The following C2orf76 variants were observed in gnomAD, a reference collection of about 807,000 sequenced individuals.
The protein encoded by C2orf76 is chromosome 2 open reading frame 76.
Under a neutral mutation model 16.9 loss-of-function variants are expected in C2orf76, and 23 were observed. That is an observed-to-expected ratio of 1.36 (90% CI 0.98 to 1.93). The LOEUF (loss-of-function observed/expected upper bound fraction) is 1.93, where lower values mean the gene tolerates loss of function less well. Among genes scored for constraint, C2orf76 ranks in the 30% most tolerant of loss-of-function variants. The probability of loss-of-function intolerance (pLI) is 0.00; values close to 1 mark genes in which losing one functional copy is unlikely to be tolerated. For missense variants in C2orf76, 152 were observed against 152.6 expected (o/e 1.00, Z 0.02); for synonymous variants, 48 against 52.3 (o/e 0.92, Z 0.35).
chr2:119,291,425 T>A, the C2orf76 span, among the ~76,000 whole-genome samples: 1 of 151,682 alleles, frequency 6.6e-6, no homozygotes, highest in Non-Finnish European at 1.5e-5. Flanking sequence ...GAAAGGAAAT[T>A]TAAAGTGCCG....
intron 1 of C2orf76, among the ~76,000 whole-genome samples, chr2:119,363,677 T>G (rs1050710556): frequency 6.6e-6 from 1 of 152,270 alleles, no homozygotes; most frequent in East Asian, 1.9e-4. Context: ...CTAAGAAACT[T>G]AATATGAAAC....
intron 1 of C2orf76, among the ~76,000 whole-genome samples, chr2:119,353,271 G>A (rs1680461680): frequency 6.6e-6 from 1 of 152,040 alleles, no homozygotes; most frequent in South Asian, 2.1e-4. Flanking sequence ...GTAGATGAAT[G>A]ATAAATGCTC....
chr2:119,305,378 T>C (rs1678744307), intron 5 of C2orf76, among the ~76,000 whole-genome samples: 1 of 152,210 alleles, frequency 6.6e-6, no homozygotes, highest in Admixed American at 6.5e-5. Flanking sequence ...CGATTTTAAG[T>C]ATAAAATCCC....
intron 1 of C2orf76, among the ~76,000 whole-genome samples, chr2:119,346,387 A>C (rs1680202527): frequency 6.6e-6 from 1 of 152,242 alleles, no homozygotes; most frequent in Admixed American, 6.5e-5. Context: ...GAAATAATCC[A>C]AATGCCCTTT....
At chr2:119,285,234 T>C in the C2orf76 span, among the ~76,000 whole-genome samples, 1 of 152,370 alleles carries the variant, frequency 6.6e-6, no homozygotes, top group African/African-American at 2.4e-5. Context: ...ACTCAATAAC[T>C]ATCACCTGAC....
At chr2:119,367,115 G>C (rs1025945934), upstream of C2orf76, 26 of 1,609,608 alleles carry the variant, frequency 1.6e-5, no homozygotes, top group Non-Finnish European at 2.2e-5. Flanking sequence ...AGGCCCGTTG[G>C]GGGCTCAGCC....
chr2:119,326,432 A>G (rs1446235047), intron 2 of C2orf76, among the ~76,000 whole-genome samples: 1 of 152,238 alleles, frequency 6.6e-6, no homozygotes, highest in Non-Finnish European at 1.5e-5. Flanking sequence ...TCTACACACC[A>G]GTATCACATA....
chr2:119,304,999 G>C (rs1052808141), intron 5 of C2orf76, among the ~76,000 whole-genome samples: 2 of 152,174 alleles, frequency 1.3e-5, no homozygotes, highest in Non-Finnish European at 2.9e-5. Flanking sequence ...AGTCTACCTT[G>C]TGCTGGTCCC....
chr2:119,313,510 A>G (rs1191565594), intron 4 of C2orf76, among the ~76,000 whole-genome samples: 1 of 151,980 alleles, frequency 6.6e-6, no homozygotes, highest in Non-Finnish European at 1.5e-5. Flanking sequence ...GCAGGAGGAT[A>G]TCTTGATCCT....
rs564665569 is a variant in C2orf76 at position 119,333,760 on chromosome 2, T to C, written c.133+6067A>G. Among the ~76,000 whole-genome samples the C allele has an allele frequency of 5.9e-5, 9 of 152,316 alleles. No individual in the cohort carries two copies. The South Asian group carries it at 1.2e-3, about 21-fold the overall frequency. On this transcript the variant is annotated intron_variant, in intron 2 of 5. Coordinates refer to ENST00000334816, the MANE Select transcript of C2orf76 (RefSeq NM_001322331.2). ...AAACTGCTTAACCCGAACCTAATCA[T>C]GAGAAAACAATCTAGACAAATGTAA...
chr2:119,360,246 C>T (rs1017472266), intron 1 of C2orf76, among the ~76,000 whole-genome samples: 29 of 152,152 alleles, frequency 1.9e-4, no homozygotes, highest in African/African-American at 7.0e-4. Flanking sequence ...TTTGGGAGGC[C>T]GAGGCAGGTG....
At chr2:119,358,321 A>T (rs1680635398) in intron 1 of C2orf76, among the ~76,000 whole-genome samples, 1 of 145,052 alleles carries the variant, frequency 6.9e-6, no homozygotes, top group Non-Finnish European at 1.6e-5. Context: ...TCACGCCTGT[A>T]ATCCCATCAT....
At chr2:119,311,565 G>A (rs1678988612) in intron 5 of C2orf76, 57 bp downstream of exon 5, 6 of 1,578,994 alleles carry the variant, frequency 3.8e-6, no homozygotes, top group East Asian at 2.2e-5. Context: ...CATCAGCCAG[G>A]CCTCAGGATA....
intron 1 of C2orf76, among the ~76,000 whole-genome samples, chr2:119,363,756 T>C (rs1680829239): frequency 6.6e-6 from 1 of 152,210 alleles, no homozygotes; most frequent in Non-Finnish European, 1.5e-5. Flanking sequence ...CGAGGCACAG[T>C]GGCTTAGGCC....
At position 119,308,551 on chromosome 2, in the gene C2orf76, G is replaced by T. The variant is rs113789943; in HGVS notation, c.304+3071C>A. The stretch of plus-strand genomic sequence containing the variant: ...AGCTACTCAGGAGGCTGAGGCAGGA[G>T]ACTTGCTTAAACCCAGGAGGTGGAG... On this transcript the variant is annotated intron_variant, in intron 5 of 5. Coordinates refer to ENST00000334816, the MANE Select transcript of C2orf76 (RefSeq NM_001322331.2). 1.8e-3 allele frequency among the ~76,000 whole-genome samples: 270 copies of T among 152,330 alleles called. 7 individuals are homozygous for T. The highest frequency in any genetic ancestry group is 0.011 in the South Asian group (51 of 4,830).
intron 1 of C2orf76, among the ~76,000 whole-genome samples, chr2:119,346,251 T>C (rs1310539006): frequency 6.6e-6 from 1 of 151,994 alleles, no homozygotes; most frequent in Admixed American, 6.6e-5. Context: ...AAACTAAACA[T>C]ACCCATTATA....
chr2:119,304,725 G>T (rs1678723453), intron 5 of C2orf76, among the ~76,000 whole-genome samples: 1 of 152,132 alleles, frequency 6.6e-6, no homozygotes, highest in Non-Finnish European at 1.5e-5. Context: ...CATTAAATGG[G>T]TTTTAAATTT....
intron 1 of C2orf76, among the ~76,000 whole-genome samples, chr2:119,346,729 T>C (rs898190960): frequency 6.6e-6 from 1 of 152,188 alleles, no homozygotes; most frequent in Non-Finnish European, 1.5e-5. Flanking sequence ...ACTGTAGTGT[T>C]ACCCATTTTT....
the C2orf76 span, among the ~76,000 whole-genome samples, chr2:119,287,060 G>A: frequency 6.6e-6 from 1 of 152,104 alleles, no homozygotes; most frequent in Non-Finnish European, 1.5e-5. Flanking sequence ...GGAAACCTCG[G>A]GCAGGTCACT....
Sources: gnomAD v4.1 joint callset for allele counts (sites outside exome capture counted in the v4.1 genomes callset) on GRCh38, gnomAD v4.1.1 for gene constraint, MANE v1.5 for transcripts, NCBI Gene and HGNC (gene_info 2026-07-23, HGNC 2026-07-21) for gene names.